Variants in GRID2 observed in about 807,000 individuals in gnomAD.
GRID2 encodes glutamate receptor ionotropic, delta-2.
GRID2 carries 33 observed loss-of-function variants against 114.8 expected under a neutral mutation model. The ratio of observed to expected loss-of-function variants is 0.29; its 90% confidence interval spans 0.22 to 0.38. GRID2 has a LOEUF of 0.38. Ranked by LOEUF, GRID2 falls within the 10% of genes least tolerant of loss-of-function variation. The pLI, the probability that GRID2 is intolerant of heterozygous loss-of-function variation, is 1.00. For missense variants in GRID2, 1,184 were observed against 1,257.7 expected, an observed-to-expected ratio of 0.94 and a Z score of 0.89; for synonymous variants, 505 against 449.9, an observed-to-expected ratio of 1.12 and a Z score of -1.55.
At chr4:92,735,085 T>A (rs977232067) in intron 2 of GRID2, among the ~76,000 whole-genome samples, 1 of 152,138 alleles carries the variant, frequency 6.6e-6, no homozygotes, top group Non-Finnish European at 1.5e-5. Flanking sequence ...AACCTGATGG[T>A]TATATTTCAT....
intron 8 of GRID2, among the ~76,000 whole-genome samples, chr4:93,295,417 C>T (rs1418987512): frequency 6.6e-6 from 1 of 151,990 alleles, no homozygotes; most frequent in Non-Finnish European, 1.5e-5. Context: ...CGGGGTTCAA[C>T]CAGAGAAACA....
intron 8 of GRID2, among the ~76,000 whole-genome samples, chr4:93,361,466 T>G (rs1381436623): frequency 6.7e-6 from 1 of 148,376 alleles, no homozygotes; most frequent in Non-Finnish European, 1.5e-5. Context: ...AATGTTACTG[T>G]GATTATTATT....
At chr4:93,487,693 A>G (rs1726552590) in intron 11 of GRID2, among the ~76,000 whole-genome samples, 1 of 151,852 alleles carries the variant, frequency 6.6e-6, no homozygotes, top group Non-Finnish European at 1.5e-5. Context: ...AAATTGGTAT[A>G]TGCCCCTCAG....
chr4:93,316,166 G>T (rs553392769), intron 8 of GRID2, among the ~76,000 whole-genome samples: 1 of 151,872 alleles, frequency 6.6e-6, no homozygotes, highest in Non-Finnish European at 1.5e-5. Context: ...TCAAAAAGGG[G>T]AGGTGGAACA....
At chr4:92,628,906 T>C (rs1365807798) in intron 2 of GRID2, among the ~76,000 whole-genome samples, 1 of 152,004 alleles carries the variant, frequency 6.6e-6, no homozygotes, top group African/African-American at 2.4e-5. Flanking sequence ...TTCCTTTCAC[T>C]TTTTCTTTGT....
At chr4:93,078,315 A>G (rs982940502) in intron 2 of GRID2, among the ~76,000 whole-genome samples, 4 of 152,084 alleles carry the variant, frequency 2.6e-5, no homozygotes, top group East Asian at 1.9e-4. Context: ...TTGAGGAAAA[A>G]TGTTTTTGGG....
chr4:93,487,111 T>C (rs1045540436), intron 11 of GRID2, among the ~76,000 whole-genome samples: 2 of 151,840 alleles, frequency 1.3e-5, no homozygotes, highest in Non-Finnish European at 2.9e-5. Context: ...AATTTGTACA[T>C]AAGTTATCCT....
In GRID2 at chr4:92,935,041, A is replaced by G. The variant is rs571046036; in HGVS notation, c.245-149954A>G. On this transcript the variant is annotated intron_variant, in intron 2 of 15. Coordinates refer to ENST00000282020, the MANE Select transcript of GRID2 (RefSeq NM_001510.4). ...ACAAAAGCCAAAATTGACAAATGGG[A>G]TCTAATTAAACTAAAGAGCTTCTGC... Among the ~76,000 whole-genome samples, 90 of 146,876 alleles carry G rather than the reference A, an allele frequency of 6.1e-4. 6 individuals are homozygous for G. Among genetic ancestry groups the G allele is most frequent in the African/African-American group, 2.1e-3 (86 of 41,306 alleles).
At chr4:92,832,194 C>T (rs994082743) in intron 2 of GRID2, among the ~76,000 whole-genome samples, 1 of 152,028 alleles carries the variant, frequency 6.6e-6, no homozygotes, top group South Asian at 2.1e-4. Context: ...AATCCCAGCA[C>T]TTTATGAGGC....
chr4:93,248,611 C>T (rs1029694037), intron 8 of GRID2, among the ~76,000 whole-genome samples: 7 of 152,058 alleles, frequency 4.6e-5, no homozygotes, highest in Non-Finnish European at 1.0e-4. Context: ...TATCTGGACG[C>T]CTCAAGGGGA....
chr4:93,099,738 C>T (rs1395289709), intron 3 of GRID2, among the ~76,000 whole-genome samples: 1 of 151,858 alleles, frequency 6.6e-6, no homozygotes, highest in African/African-American at 2.4e-5. Context: ...TTAAGCACCA[C>T]TCTTCACCGT....
In GRID2 at chr4:92,658,992, A is replaced by G. The variant is rs1005507425; in HGVS notation, c.244+68706A>G. ...GGACTCTTTGACCAAAGAGAAAATT[A>G]AAGGAGTACTGTAGTGTTATTTTCT... On this transcript the variant is annotated intron_variant, in intron 2 of 15. Coordinates refer to ENST00000282020, the MANE Select transcript of GRID2 (RefSeq NM_001510.4). Among the ~76,000 whole-genome samples the G allele has an allele frequency of 1.3e-5, 2 of 148,490 alleles. 1 individual carries two copies. The highest frequency in any genetic ancestry group is 4.2e-4 in the East Asian group (2 of 4,774).
At position 93,169,183 on chromosome 4, in the gene GRID2, C is replaced by A. The variant is rs866934683; in HGVS notation, c.736-38221C>A. Among the ~76,000 whole-genome samples the A allele has an allele frequency of 4.0e-3, 588 of 145,424 alleles. 7 individuals are homozygous for A. The highest frequency in any genetic ancestry group is 0.015 in the African/African-American group (567 of 38,998). ...ACACACACACACACACACACACACACAAACTTAAAATAGGCTAAGTGTAAA... is the reference window on the plus strand; with the variant it reads ...ACACACACACACACACACACACACAAAAACTTAAAATAGGCTAAGTGTAAA... On this transcript the variant is annotated intron_variant, in intron 4 of 15. Coordinates refer to ENST00000282020, the MANE Select transcript of GRID2 (RefSeq NM_001510.4).
At chr4:92,437,435 T>C (rs1185148825) in intron 1 of GRID2, among the ~76,000 whole-genome samples, 1 of 152,058 alleles carries the variant, frequency 6.6e-6, no homozygotes, top group African/African-American at 2.4e-5. Context: ...ATGCCTCAAA[T>C]AGCCCAGCTA....
intron 1 of GRID2, among the ~76,000 whole-genome samples, chr4:92,514,018 T>C (rs1279449233): frequency 6.6e-6 from 1 of 151,862 alleles, no homozygotes; most frequent in Non-Finnish European, 1.5e-5. Flanking sequence ...ATTGAAACTT[T>C]GGAACTGTGG....
chr4:93,165,288 T>C (rs1481728555), intron 4 of GRID2, among the ~76,000 whole-genome samples: 2 of 152,106 alleles, frequency 1.3e-5, no homozygotes, highest in Non-Finnish European at 2.9e-5. Flanking sequence ...TGTTCTTTTC[T>C]ATAAATTCAT....
At chr4:92,877,896 T>C (rs930281229) in intron 2 of GRID2, among the ~76,000 whole-genome samples, 6 of 152,170 alleles carry the variant, frequency 3.9e-5, no homozygotes, top group African/African-American at 1.4e-4. Flanking sequence ...CTCAGTATAT[T>C]TACTTCTTCT....
At chr4:92,668,241 CT>C (rs1732883464) in intron 2 of GRID2, among the ~76,000 whole-genome samples, 1 of 151,792 alleles carries the variant, frequency 6.6e-6, no homozygotes, top group African/African-American at 2.4e-5. Flanking sequence ...TTATTTCCAG[CT>C]TTTTTGGCTT....
At chr4:93,071,662 A>G (rs1439786867) in intron 2 of GRID2, among the ~76,000 whole-genome samples, 3 of 152,132 alleles carry the variant, frequency 2.0e-5, no homozygotes, top group South Asian at 2.1e-4. Context: ...TGAATTCACA[A>G]AACAGGGTAA....
Sources: gnomAD v4.1 joint callset for allele counts (sites outside exome capture counted in the v4.1 genomes callset) on GRCh38, gnomAD v4.1.1 for gene constraint, MANE v1.5 for transcripts, NCBI Gene and HGNC (gene_info 2026-07-23, HGNC 2026-07-21) for gene names.